Variants in ADK observed in about 807,000 individuals in gnomAD.
ADK encodes adenosine kinase, also known as N6,N6-dimethyladenosine kinase.
A neutral mutation model predicts 44.7 loss-of-function variants in ADK; 24 were observed. The ratio of observed to expected loss-of-function variants is 0.54; its 90% CI spans 0.39 to 0.76. The LOEUF (loss-of-function observed/expected upper bound fraction) is 0.76. ADK is among the 30% of genes least tolerant of loss of function. ADK has a pLI of 0.00. For missense variants in ADK, 321 were observed against 425.1 expected (o/e 0.76, Z 2.15); for synonymous variants, 128 against 142.6 (o/e 0.90, Z 0.73).
chr10:74,543,923 C>T (rs1369623534), intron 7 of ADK, among the ~76,000 whole-genome samples: 1 of 151,316 alleles, frequency 6.6e-6, no homozygotes, highest in Non-Finnish European at 1.5e-5. Flanking sequence ...CCCCATTATA[C>T]ACTCTTTAGT....
chr10:74,190,981 C>CTTTTTTTTTTT (rs61491732), intron 1 of ADK, among the ~76,000 whole-genome samples: 1 of 134,964 alleles, frequency 7.4e-6, no homozygotes, highest in Non-Finnish European at 1.6e-5. Flanking sequence ...CTATTTTTGA[C>CTTTTTTTTTTT]TTTTTTTTTT....
chr10:74,699,359 A>G (rs1294780274), intron 10 of ADK, among the ~76,000 whole-genome samples: 1 of 151,948 alleles, frequency 6.6e-6, no homozygotes, highest in African/African-American at 2.4e-5. Context: ...TTGGAATAAT[A>G]TACTTAAAAT....
intron 2 of ADK, among the ~76,000 whole-genome samples, chr10:74,218,671 C>T (rs1031775820): frequency 1.3e-5 from 2 of 152,148 alleles, no homozygotes; most frequent in African/African-American, 2.4e-5. Context: ...GCGGATCTCT[C>T]GGCAAAAACT....
At position 74,631,422 on chromosome 10, in the gene ADK, TG is replaced by T. The variant is rs1391014718; in HGVS notation, c.877+30930del. On this transcript the variant is annotated intron_variant, in intron 9 of 10. Coordinates refer to ENST00000539909, the MANE Select transcript of ADK (RefSeq NM_006721.4). ...CCCATGCCCAGCTAATTTTTTGTTTTGTTTTTTTTTTTTTAGTAGAGATGGG... is the reference window on the plus strand; with the variant it reads ...CCCATGCCCAGCTAATTTTTTGTTTTTTTTTTTTTTTTTAGTAGAGATGGG... Among the ~76,000 whole-genome samples, 1,097 of 150,882 alleles carry T rather than the reference TG, an allele frequency of 7.3e-3. 8 individuals carry two copies. The highest frequency in any genetic ancestry group is 0.025 in the African/African-American group (1,029 of 41,060).
intron 3 of ADK, among the ~76,000 whole-genome samples, chr10:74,242,656 C>A (rs1845260811): frequency 6.6e-6 from 1 of 152,200 alleles, no homozygotes; most frequent in Non-Finnish European, 1.5e-5. Flanking sequence ...GTGAGAACTT[C>A]TATTCCTGTT....
At chr10:74,696,146 G>A (rs1026127166) in intron 10 of ADK, among the ~76,000 whole-genome samples, 32 of 151,592 alleles carry the variant, frequency 2.1e-4, no homozygotes, top group African/African-American at 7.3e-4. Context: ...TTAGCCAACC[G>A]AATAGCTAGG....
chr10:74,532,113 C>T (rs562194301), intron 7 of ADK, among the ~76,000 whole-genome samples: 1 of 152,052 alleles, frequency 6.6e-6, no homozygotes, highest in South Asian at 2.1e-4. Context: ...TTTTGAAATC[C>T]ATCAATGTAA....
chr10:74,326,948 A>G (rs1340142427), intron 4 of ADK, among the ~76,000 whole-genome samples: 1 of 151,756 alleles, frequency 6.6e-6, no homozygotes, highest in Non-Finnish European at 1.5e-5. Context: ...AGTCTAGCTA[A>G]AGGTTTGTTG....
chr10:74,531,412 T>C (rs183734383), intron 7 of ADK, among the ~76,000 whole-genome samples: 1 of 152,304 alleles, frequency 6.6e-6, no homozygotes, highest in East Asian at 1.9e-4. Context: ...TACTAAATCA[T>C]ACTCAAGAAG....
In ADK at chr10:74,151,474, C is replaced by T. The variant is rs549711588; in HGVS notation, c.65+131C>T. 21 of 984,976 alleles carry T rather than the reference C, an allele frequency of 2.1e-5. No homozygotes were observed. In the African/African-American group the frequency reaches 2.9e-4, roughly 14 times the overall value. The allele number at this position is 984,976 out of a possible 1,614,324, so 61.0% of individuals were successfully genotyped here. A position where few individuals can be genotyped will look rare whatever the true frequency, so the allele number is the denominator to read the frequency against. On this transcript the variant is annotated intron_variant, in intron 1 of 10. Coordinates refer to ENST00000539909, the MANE Select transcript of ADK (RefSeq NM_006721.4). ...CTTGGGGCCAACACGCAGGACCTCC[C>T]CCAGCTGCCCGCTTGGCCGCGACCC...
intron 4 of ADK, among the ~76,000 whole-genome samples, chr10:74,335,644 A>T (rs1172691444): frequency 6.6e-6 from 1 of 152,192 alleles, no homozygotes; most frequent in Non-Finnish European, 1.5e-5. Flanking sequence ...GTGCCATTTC[A>T]CATTCCCACT....
At chr10:74,399,317 A>T (rs370616236) in intron 6 of ADK, among the ~76,000 whole-genome samples, 32 of 151,328 alleles carry the variant, frequency 2.1e-4, no homozygotes, top group Middle Eastern at 6.8e-3. Flanking sequence ...CCATTTCATT[A>T]CCTGAGCTCT....
At chr10:74,458,119 CTTT>C (rs1172945144) in intron 6 of ADK, among the ~76,000 whole-genome samples, 39,431 of 73,668 alleles carry the variant, frequency 0.54, 10,600 homozygotes, top group Non-Finnish European at 0.64. Flanking sequence ...TGCATTAAAA[CTTT>C]TTTTTTTTTT....
chr10:74,479,248 G>T (rs1263376033), intron 6 of ADK, among the ~76,000 whole-genome samples: 1 of 152,024 alleles, frequency 6.6e-6, no homozygotes, highest in Non-Finnish European at 1.5e-5. Flanking sequence ...GCTCACCTCG[G>T]CCTCCAAAAG....
At chr10:74,229,317 A>T (rs1343979051) in intron 3 of ADK, among the ~76,000 whole-genome samples, 1 of 151,836 alleles carries the variant, frequency 6.6e-6, no homozygotes, top group Non-Finnish European at 1.5e-5. Flanking sequence ...CCAAACCAGC[A>T]GGAAAGTTAT....
intron 10 of ADK, among the ~76,000 whole-genome samples, chr10:74,682,243 G>A (rs1278078036): frequency 1.3e-5 from 2 of 152,116 alleles, no homozygotes; most frequent in East Asian, 3.8e-4. Flanking sequence ...AAATTGATGG[G>A]CTTTTGGTTT....
At chr10:74,630,086 C>A (rs1204298227) in intron 9 of ADK, among the ~76,000 whole-genome samples, 1 of 151,984 alleles carries the variant, frequency 6.6e-6, no homozygotes, top group Non-Finnish European at 1.5e-5. Context: ...TTTAACTTCT[C>A]ATTTTGCAGC....
intron 4 of ADK, among the ~76,000 whole-genome samples, chr10:74,374,005 G>C (rs757160123): frequency 6.6e-6 from 1 of 152,068 alleles, no homozygotes; most frequent in South Asian, 2.1e-4. Flanking sequence ...TGAAAATATC[G>C]TGCTAAATGA....
chr10:74,364,564 T>C (rs1842438445), intron 4 of ADK, among the ~76,000 whole-genome samples: 2 of 152,156 alleles, frequency 1.3e-5, no homozygotes, highest in African/African-American at 4.8e-5. Context: ...ATGTGATACC[T>C]TTTCCCTCAG....
Sources: allele counts gnomAD v4.1 joint callset (sites outside exome capture counted in the v4.1 genomes callset), GRCh38; gene constraint gnomAD v4.1.1; transcripts MANE v1.5; gene names NCBI Gene and HGNC (gene_info 2026-07-23, HGNC 2026-07-21).